KANSL1L: variants seen among roughly 807,000 people sequenced by gnomAD.
The protein encoded by KANSL1L is KAT8 regulatory NSL complex subunit 1 like, also known as KAT8 regulatory NSL complex subunit 1-like protein.
A neutral mutation model predicts 108.6 loss-of-function variants in KANSL1L; 25 were observed. That is an observed-to-expected ratio of 0.23 (90% CI 0.17 to 0.32). The LOEUF is 0.32. Among genes scored for constraint, KANSL1L ranks in the 10% least tolerant of loss-of-function variants. The pLI is 1.00. For missense variants in KANSL1L, 1,137 were observed against 1,125.7 expected (o/e 1.01, Z -0.14); for synonymous variants, 405 against 395.1 (o/e 1.03, Z -0.30).
intron 1 of KANSL1L, among the ~76,000 whole-genome samples, chr2:210,169,793 C>T (rs1242768444): frequency 6.6e-6 from 1 of 152,196 alleles, no homozygotes; most frequent in Non-Finnish European, 1.5e-5. Flanking sequence ...TTTAAAGATA[C>T]TCAAATATAT....
At chr2:210,170,847 C>T (rs1295373177) in intron 1 of KANSL1L, among the ~76,000 whole-genome samples, 4 of 152,008 alleles carry the variant, frequency 2.6e-5, no homozygotes, top group Non-Finnish European at 5.9e-5. Flanking sequence ...AAGCCCCACC[C>T]CCCACGTGAC....
intron 1 of KANSL1L, chr2:210,170,758 T>G (rs977493347): frequency 6.6e-6 from 1 of 152,234 alleles, no homozygotes; most frequent in African/African-American, 2.4e-5. Context: ...GCTCAGCCGA[T>G]GAGGCAAGAG....
At chr2:210,107,051 G>A (rs55894406) in intron 3 of KANSL1L, among the ~76,000 whole-genome samples, 11 of 152,088 alleles carry the variant, frequency 7.2e-5, no homozygotes, top group Middle Eastern at 3.4e-3. Flanking sequence ...TTAGAAAAAC[G>A]AGTTACAACA....
intron 1 of KANSL1L, among the ~76,000 whole-genome samples, chr2:210,160,328 C>A (rs1306973002): frequency 6.6e-6 from 1 of 151,732 alleles, no homozygotes; most frequent in Non-Finnish European, 1.5e-5. Context: ...TACTGGAGGA[C>A]CTAGTTAGTG....
chr2:210,165,430 A>AT (rs992944310), intron 1 of KANSL1L, among the ~76,000 whole-genome samples: 10 of 152,096 alleles, frequency 6.6e-5, no homozygotes, highest in African/African-American at 2.4e-4. Flanking sequence ...AATAATAAAC[A>AT]TTTTTTAAAA....
intron 5 of KANSL1L, among the ~76,000 whole-genome samples, chr2:210,078,712 A>C (rs2094559254): frequency 6.6e-6 from 1 of 152,208 alleles, no homozygotes; most frequent in Non-Finnish European, 1.5e-5. Flanking sequence ...AACCTCATTG[A>C]AAGCAAAACA....
chr2:210,141,432 ACTCTTATAAAAGAGG>A (rs2095228717), intron 2 of KANSL1L, among the ~76,000 whole-genome samples: 2 of 152,042 alleles, frequency 1.3e-5, no homozygotes, highest in African/African-American at 4.8e-5. Flanking sequence ...TGAGATTAAT[ACTCTTATAAAAGAGG>A]CCTGAGGAAG....
intron 1 of KANSL1L, among the ~76,000 whole-genome samples, chr2:210,166,840 G>T (rs974694455): frequency 6.6e-6 from 1 of 151,992 alleles, no homozygotes; most frequent in African/African-American, 2.4e-5. Context: ...CCACACTTGT[G>T]ACCTAAATGT....
intron 2 of KANSL1L, among the ~76,000 whole-genome samples, chr2:210,145,187 C>G (rs543003068): frequency 1.3e-5 from 2 of 152,306 alleles, no homozygotes; most frequent in East Asian, 3.9e-4. Context: ...GTCGGTCCTC[C>G]TCATCTCTTT....
intron 5 of KANSL1L, among the ~76,000 whole-genome samples, chr2:210,079,646 A>ATATATATATTTATGTG: frequency 7.6e-5 from 1 of 13,118 alleles, no homozygotes; most frequent in Admixed American, 1.5e-3. Flanking sequence ...ATATATATAT[A>ATATATATATTTATGTG]TATATATATA....
upstream of KANSL1L, chr2:210,171,518 A>C (rs976867561): frequency 6.5e-6 from 1 of 153,638 alleles, no homozygotes; most frequent in Non-Finnish European, 1.4e-5. Context: ...GGGCCTGCAG[A>C]AGCGGCTCGG....
At chr2:210,040,594 T>C (rs2094154373) in intron 7 of KANSL1L, 67 bp from the exon 8 acceptor site, 1 of 676,126 alleles carries the variant, frequency 1.5e-6, no homozygotes, top group African/African-American at 1.8e-5. Flanking sequence ...TTACAGATTG[T>C]AACATTAAAA....
At chr2:210,058,555 C>G (rs1422155935) in intron 6 of KANSL1L, among the ~76,000 whole-genome samples, 1 of 152,020 alleles carries the variant, frequency 6.6e-6, no homozygotes, top group Non-Finnish European at 1.5e-5. Context: ...TGCTTTTGGC[C>G]AGGCGCAGTG....
chr2:210,116,495 G>T (rs979636546), intron 3 of KANSL1L, among the ~76,000 whole-genome samples: 3 of 152,178 alleles, frequency 2.0e-5, no homozygotes, highest in Admixed American at 1.3e-4. Context: ...TGCAGTCCCA[G>T]TGGTCCTTGT....
chr2:210,150,791 AAAAAAAG>A (rs1396839828), intron 2 of KANSL1L, among the ~76,000 whole-genome samples: 15 of 151,996 alleles, frequency 9.9e-5, no homozygotes, highest in Middle Eastern at 3.4e-3. Context: ...TTAAAAAAAA[AAAAAAAG>A]AAAAAAGAAA....
At chr2:210,092,654 G>A (rs200361555) in intron 5 of KANSL1L, among the ~76,000 whole-genome samples, 2 of 152,076 alleles carry the variant, frequency 1.3e-5, no homozygotes, top group East Asian at 3.9e-4. Context: ...GCTGTCTGTT[G>A]TGCACTCCTT....
chr2:210,134,036 G>A (rs1029500787), intron 2 of KANSL1L, among the ~76,000 whole-genome samples: 2 of 151,988 alleles, frequency 1.3e-5, no homozygotes, highest in Non-Finnish European at 2.9e-5. Flanking sequence ...ATGTTTCACT[G>A]GGCAGAGAAT....
intron 5 of KANSL1L, among the ~76,000 whole-genome samples, chr2:210,084,099 G>C (rs980973907): frequency 1.3e-5 from 2 of 151,980 alleles, no homozygotes; most frequent in African/African-American, 4.8e-5. Context: ...ACTGTAAAAT[G>C]ACATTCTTTA....
chr2:210,065,149 C>T (rs1322161459), intron 6 of KANSL1L, among the ~76,000 whole-genome samples: 1 of 151,088 alleles, frequency 6.6e-6, no homozygotes, highest in Non-Finnish European at 1.5e-5. Flanking sequence ...CAAAAACAGC[C>T]CTGTGTGGTG....
Sources: gnomAD v4.1 joint callset for allele counts (sites outside exome capture counted in the v4.1 genomes callset) on GRCh38, gnomAD v4.1.1 for gene constraint, MANE v1.5 for transcripts, NCBI Gene and HGNC (gene_info 2026-07-23, HGNC 2026-07-21) for gene names.